The following ALOXE3 variants were observed in gnomAD, a reference collection of about 807,000 sequenced individuals.
ALOXE3 encodes arachidonate epidermal lipoxygenase 3.
Under a neutral mutation model 87.5 loss-of-function variants are expected in ALOXE3, and 78 were observed. The ratio of observed to expected loss-of-function variants is 0.89; its 90% confidence interval spans 0.74 to 1.08. The LOEUF (loss-of-function observed/expected upper bound fraction) is 1.08. Ranked by LOEUF, ALOXE3 falls within the 50% of genes least tolerant of loss-of-function variation. The probability of loss-of-function intolerance (pLI) is 0.00; values close to 1 mark genes in which losing one functional copy is unlikely to be tolerated. For synonymous variants in ALOXE3, 363 were observed against 370.8 expected, an observed-to-expected ratio of 0.98 and a Z score of 0.24; for missense variants, 946 against 912.4, an observed-to-expected ratio of 1.04 and a Z score of -0.47.
chr17:8,116,937 A>G lies in ALOXE3; in HGVS notation c.191T>C (p.Leu64Pro). Reference protein sequence around the residue: ...KVRCTAELGELLLLRVHKERY... With the variant: ...KVRCTAELGEPLLLRVHKERY... ...CTCCTTGTGTACACGCAGCAGCAAG[A>G]GCTCACCCAGCTCCGCTGTGCAACG... The change falls in exon 3 of 16, where the codon CTC becomes CCC. Residue 64 changes from leucine (L) to proline (P), a missense_variant. Coordinates refer to ENST00000448843, the MANE Select transcript of ALOXE3 (RefSeq NM_021628.3). 1.2e-6 allele frequency: 2 copies of G among 1,614,248 alleles called. No individual in the cohort carries two copies. Among genetic ancestry groups the G allele is most frequent in the South Asian group, 2.2e-5 (2 of 91,084 alleles).
intron 15 of ALOXE3, among the ~76,000 whole-genome samples, chr17:8,099,066 T>G (rs1978757792): frequency 6.8e-6 from 1 of 146,194 alleles, no homozygotes; most frequent in Non-Finnish European, 1.5e-5. Context: ...ACTATATTAC[T>G]CAGGCTGGTC....
chr17:8,118,466 C>A lies in ALOXE3; in HGVS notation c.-314+20G>T. 6.5e-7 allele frequency: 1 copy of A among 1,548,892 alleles called. No homozygotes were observed. ...AGATCTGTTCCTCCCCATTCCCAGG[C>A]AGAGATGAGCACAGGGCACCTGCAT... is the stretch of plus-strand genomic sequence containing the variant. On this transcript the variant is annotated intron_variant, in intron 1 of 15. Transcript: ENST00000448843.
At chr17:8,101,008 C>T (rs187066002) in intron 15 of ALOXE3, among the ~76,000 whole-genome samples, 8 of 148,688 alleles carry the variant, frequency 5.4e-5, no homozygotes, top group African/African-American at 9.9e-5. Flanking sequence ...TATGCCAGCA[C>T]GGTGCCAAGC....
rs770791899 is a variant in ALOXE3 at position 8,116,827 on chromosome 17, A to C, written c.301T>G (p.Cys101Gly). Residue 101 changes from cysteine (C) to glycine (G), a missense_variant, in exon 3 of 16, where the codon TGC (cysteine) becomes GGC (glycine). Coordinates refer to ENST00000448843, the MANE Select transcript of ALOXE3 (RefSeq NM_021628.3). The part of the protein sequence containing the change: ...EPDGSVSHFP[C>G]YQWIEGYCTV... ...CAGTAGCCTTCAATCCACTGATAGCAGGGGAAGTGGGATACACTACCATCC... is the reference window on the plus strand; with the variant it reads ...CAGTAGCCTTCAATCCACTGATAGCCGGGGAAGTGGGATACACTACCATCC... 1.2e-6 allele frequency: 2 copies of C among 1,614,108 alleles called. No homozygotes were observed. Among genetic ancestry groups the C allele is most frequent in the Non-Finnish European group, 1.7e-6 (2 of 1,180,044 alleles).
intron 13 of ALOXE3, among the ~76,000 whole-genome samples, chr17:8,107,888 A>G (rs1371996236): frequency 0.018 from 88 of 4,932 alleles, 17 homozygotes; most frequent in Non-Finnish European, 0.041. Flanking sequence ...AAAGAAAGAA[A>G]GAAAGAAAGA....
intron 6 of ALOXE3, among the ~76,000 whole-genome samples, chr17:8,113,435 C>A (rs1980274876): frequency 6.6e-6 from 1 of 152,142 alleles, no homozygotes; most frequent in African/African-American, 2.4e-5. Context: ...GGCCGATCAC[C>A]TGAGGTCAGG....
At chr17:8,109,872 C>A (rs1353192279) in intron 11 of ALOXE3, 44 bp downstream of exon 11, 1 of 1,526,912 alleles carries the variant, frequency 6.5e-7, no homozygotes, top group South Asian at 1.2e-5. Flanking sequence ...CGGGGCAAAG[C>A]GTCTTCGGGG....
chr17:8,118,501 T>C lies in ALOXE3; in HGVS notation c.-329A>G. ...CACAGGGCACCTGCATTCCTACGTGTGAATCATCCGTGTGAATCACTAAAC... is the reference window on the plus strand; with the variant it reads ...CACAGGGCACCTGCATTCCTACGTGCGAATCATCCGTGTGAATCACTAAAC... On this transcript the variant is annotated 5_prime_UTR_variant, in exon 1 of 16. Transcript: ENST00000448843. 6.5e-7 allele frequency: 1 copy of C among 1,541,760 alleles called. No individual in the cohort carries two copies. Among genetic ancestry groups the C allele is most frequent in the Non-Finnish European group, 8.7e-7 (1 of 1,144,788 alleles).
In ALOXE3 at chr17:8,109,159, C is replaced by A. The variant is rs376963513; in HGVS notation, c.1562+15G>T. ...GACCCTGGTGGGACTGCTGGTCCCG[C>A]CCCGCACCTCGCACCTCTCAATGGC... On this transcript the variant is annotated intron_variant, in intron 12 of 15. Coordinates refer to ENST00000448843, the MANE Select transcript of ALOXE3 (RefSeq NM_021628.3). 1 of 1,612,160 alleles carries A rather than the reference C, an allele frequency of 6.2e-7. No individual in the cohort carries two copies. Among genetic ancestry groups the A allele is most frequent in the Admixed American group, 1.7e-5 (1 of 60,026 alleles).
In ALOXE3 at chr17:8,108,841, G is replaced by A. The variant is rs1420834007; in HGVS notation, c.1563-252C>T. Among the ~76,000 whole-genome samples, 3 of 152,178 alleles carry A rather than the reference G, an allele frequency of 2.0e-5. No homozygotes were observed. In the East Asian group the frequency reaches 5.8e-4, roughly 29 times the overall value. On this transcript the variant is annotated intron_variant, in intron 12 of 15. Coordinates refer to ENST00000448843, the MANE Select transcript of ALOXE3 (RefSeq NM_021628.3). Reference sequence around the variant, plus strand: ...GGGCAGGGGAGTGCACGAAGAGTCTGATTCATGCTGCCACCCCCCTCCCCA... The same window carrying A: ...GGGCAGGGGAGTGCACGAAGAGTCTAATTCATGCTGCCACCCCCCTCCCCA...
intron 1 of ALOXE3, 35 bp downstream of exon 1, chr17:8,118,451 C>T (rs1349478529): frequency 6.5e-7 from 1 of 1,550,304 alleles, no homozygotes; most frequent in Admixed American, 2.0e-5. Context: ...AGATCTGTTC[C>T]TCCCCATTCC....
At chr17:8,102,654 C>T (rs1204136247) in intron 15 of ALOXE3, among the ~76,000 whole-genome samples, 1 of 152,170 alleles carries the variant, frequency 6.6e-6, no homozygotes, top group Non-Finnish European at 1.5e-5. Flanking sequence ...TTCCCCCTCC[C>T]TAAAAAAGAG....
chr17:8,116,194 C>A (rs1328868369), intron 3 of ALOXE3, among the ~76,000 whole-genome samples: 2 of 152,296 alleles, frequency 1.3e-5, no homozygotes, highest in East Asian at 3.9e-4. Flanking sequence ...TCATCCTGAG[C>A]CTCCTCCCAA....
At chr17:8,098,784 C>T (rs1978732643) in intron 15 of ALOXE3, among the ~76,000 whole-genome samples, 1 of 152,084 alleles carries the variant, frequency 6.6e-6, no homozygotes, top group Non-Finnish European at 1.5e-5. Flanking sequence ...TTATTATTCA[C>T]TATTGGCCTT....
intron 6 of ALOXE3, 104 bp downstream of exon 6, chr17:8,114,380 G>A (rs1025462960): frequency 6.6e-7 from 1 of 1,517,832 alleles, no homozygotes; most frequent in Non-Finnish European, 9.1e-7. Flanking sequence ...CTGGGGCAGG[G>A]AGAGGGGATA....
At chr17:8,108,031 G>GAA (rs549319685) in intron 13 of ALOXE3, among the ~76,000 whole-genome samples, 2 of 82,376 alleles carry the variant, frequency 2.4e-5, no homozygotes, top group South Asian at 3.3e-4. Context: ...AAGAAAGAAA[G>GAA]AAAGAAAGAA....
chr17:8,110,354 C>G (rs766082820), intron 9 of ALOXE3, 31 bp downstream of exon 9: 2 of 1,606,528 alleles, frequency 1.2e-6, no homozygotes, highest in East Asian at 2.2e-5. Context: ...GCACCTGAGC[C>G]CCCATCCCGG....
chr17:8,105,139 C>T (rs1177244166), intron 13 of ALOXE3, among the ~76,000 whole-genome samples: 4 of 152,228 alleles, frequency 2.6e-5, no homozygotes, highest in African/African-American at 7.2e-5. Flanking sequence ...TCCCATCTCA[C>T]TCACCTTGTC....
At chr17:8,100,061 G>C (rs978867662) in intron 15 of ALOXE3, among the ~76,000 whole-genome samples, 1 of 148,558 alleles carries the variant, frequency 6.7e-6, no homozygotes, top group Non-Finnish European at 1.5e-5. Flanking sequence ...GTCTGGAGTT[G>C]ACCAGGCTTT....
Sources: allele counts gnomAD v4.1 joint callset (sites outside exome capture counted in the v4.1 genomes callset), GRCh38; gene constraint gnomAD v4.1.1; transcripts MANE v1.5; gene names NCBI Gene and HGNC (gene_info 2026-07-23, HGNC 2026-07-21).